TMEM220: variants seen among roughly 807,000 people sequenced by gnomAD.
TMEM220 encodes the protein transmembrane protein 220.
In TMEM220, 21 loss-of-function variants were observed where a neutral mutation model predicts 21.7. The observed-to-expected ratio is 0.97, with a 90% CI of 0.69 to 1.39. The LOEUF (loss-of-function observed/expected upper bound fraction) is 1.39, where lower values mean the gene tolerates loss of function less well. Among genes scored for constraint, TMEM220 ranks in the 40% most tolerant of loss-of-function variants. The probability of loss-of-function intolerance (pLI) is 0.00; values close to 1 mark genes in which losing one functional copy is unlikely to be tolerated. For missense variants in TMEM220, 191 were observed against 201.9 expected (o/e 0.95, Z 0.33); for synonymous variants, 80 against 73.6 (o/e 1.09, Z -0.45).
intron 5 of TMEM220, among the ~76,000 whole-genome samples, chr17:10,722,341 T>C (rs2075002952): frequency 2.0e-5 from 3 of 152,182 alleles, no homozygotes; most frequent in Non-Finnish European, 4.4e-5. Context: ...ATTCTTTGAC[T>C]CTTAACTGAA....
chr17:10,718,110 CGG>C (rs1227327380), intron 5 of TMEM220, among the ~76,000 whole-genome samples: 2 of 152,182 alleles, frequency 1.3e-5, no homozygotes, highest in African/African-American at 2.4e-5. Flanking sequence ...GTGTGAGCCA[CGG>C]CGCCCGGCCC....
At chr17:10,722,403 A>G (rs1212920951) in intron 5 of TMEM220, among the ~76,000 whole-genome samples, 10 of 152,170 alleles carry the variant, frequency 6.6e-5, no homozygotes, top group Admixed American at 2.0e-4. Context: ...GTTTAAATCT[A>G]TATCTTAACA....
Position 10,715,408 on chromosome 17 carries a change from A to G in TMEM220, c.*45T>C, listed in dbSNP as rs2074900895. 1 of 1,546,456 alleles carries G rather than the reference A, an allele frequency of 6.5e-7. No homozygotes were observed. Among genetic ancestry groups the G allele is most frequent in the Non-Finnish European group, 8.7e-7 (1 of 1,147,168 alleles). Reference sequence around the variant, plus strand: ...CTTGTTCCCCTAATGTTTATAAAAAATTGATTGAAAATATTCATTTTAAAA... The same window carrying G: ...CTTGTTCCCCTAATGTTTATAAAAAGTTGATTGAAAATATTCATTTTAAAA... On this transcript the variant is annotated 3_prime_UTR_variant, in exon 6 of 6. Transcript: ENST00000341871.
At chr17:10,729,272 A>G (rs922189430) in intron 1 of TMEM220, among the ~76,000 whole-genome samples, 1 of 152,162 alleles carries the variant, frequency 6.6e-6, no homozygotes. Context: ...GCAGCCACAC[A>G]TTTTTGAAAA....
intron 2 of TMEM220, among the ~76,000 whole-genome samples, chr17:10,728,784 G>T (rs926783287): frequency 2.0e-5 from 3 of 152,132 alleles, no homozygotes; most frequent in Non-Finnish European, 4.4e-5. Flanking sequence ...CCTCAGTTGG[G>T]CCATCTAACC....
At chr17:10,728,650 G>T (rs78946344) in intron 2 of TMEM220, among the ~76,000 whole-genome samples, 2,626 of 152,224 alleles carry the variant, frequency 0.017, 94 homozygotes, top group East Asian at 0.15. Flanking sequence ...CACTGAATTA[G>T]CAGAACCTCA....
chr17:10,716,296 T>A, intron 5 of TMEM220: 1 of 666,926 alleles, frequency 1.5e-6, no homozygotes. Context: ...TAACGCATCA[T>A]CCTCTTTGGT....
rs150062032 is a variant in TMEM220 at position 10,726,637 on chromosome 17, G to A, written c.103-373C>T. The stretch of plus-strand genomic sequence containing the variant: ...AAGAAAATGTTCTTTGAAAAGTAGG[G>A]CAGGAGCAGCCACGATGCTAGATGG... On this transcript the variant is annotated intron_variant, in intron 2 of 5. Transcript: ENST00000341871. 9.6e-4 allele frequency among the ~76,000 whole-genome samples: 146 copies of A among 152,310 alleles called. 1 individual carries two copies. The East Asian group carries it at 0.022, about 23-fold the overall frequency.
rs1369697562 is a variant in TMEM220 at position 10,714,024 on chromosome 17, C to G, written c.*1429G>C. On this transcript the variant is annotated 3_prime_UTR_variant, in exon 6 of 6. Transcript: ENST00000341871. ...TATGTAAAATGTTGCCATCTAGATACTTAAATACAGGACTGTCCAACAGAA... is the reference window on the plus strand; with the variant it reads ...TATGTAAAATGTTGCCATCTAGATAGTTAAATACAGGACTGTCCAACAGAA... 3 of 152,092 alleles carry G rather than the reference C, an allele frequency of 2.0e-5. No homozygotes were observed. The highest frequency in any genetic ancestry group is 4.4e-5 in the Non-Finnish European group (3 of 68,026). The allele number at this position is 152,092 out of a possible 1,614,324, so 9.4% of individuals were successfully genotyped here.
chr17:10,715,400 T>C lies in TMEM220; in HGVS notation c.*53A>G. On this transcript the variant is annotated 3_prime_UTR_variant, in exon 6 of 6. Coordinates refer to ENST00000341871, the MANE Select transcript of TMEM220 (RefSeq NM_001004313.3). ...ACTCCTGGCTTGTTCCCCTAATGTTTATAAAAAATTGATTGAAAATATTCA... is the reference window on the plus strand; with the variant it reads ...ACTCCTGGCTTGTTCCCCTAATGTTCATAAAAAATTGATTGAAAATATTCA... The C allele has an allele frequency of 6.5e-7, 1 of 1,527,314 alleles. No homozygotes were observed. The highest frequency in any genetic ancestry group is 8.8e-7 in the Non-Finnish European group (1 of 1,131,410). 94.6% of individuals were successfully genotyped at this position (1,527,314 alleles called of 1,614,324 possible).
intron 5 of TMEM220, among the ~76,000 whole-genome samples, chr17:10,718,097 CA>C (rs1323152912): frequency 6.6e-6 from 1 of 152,174 alleles, no homozygotes; most frequent in African/African-American, 2.4e-5. Context: ...GCTGGGATTA[CA>C]GGTGTGAGCC....
At chr17:10,729,010 C>T in intron 2 of TMEM220, 21 bp downstream of exon 2, 1 of 1,614,044 alleles carries the variant, frequency 6.2e-7, no homozygotes, top group Non-Finnish European at 8.5e-7. Context: ...GGAGGAAAGC[C>T]TGGAAGCGGC....
At chr17:10,713,036 C>T (rs1037196211), downstream of TMEM220, among the ~76,000 whole-genome samples, 1 of 151,980 alleles carries the variant, frequency 6.6e-6, no homozygotes, top group African/African-American at 2.4e-5. Context: ...TTTGGGAGGC[C>T]GAGGTGGGTG....
At chr17:10,715,864 T>C in intron 5 of TMEM220, 2 of 349,324 alleles carry the variant, frequency 5.7e-6, no homozygotes, top group South Asian at 9.9e-5. Context: ...CTTTTCCTAA[T>C]GATTTTTGTG....
At chr17:10,715,960 T>C (rs879070584) in intron 5 of TMEM220, 1 of 377,546 alleles carries the variant, frequency 2.6e-6, no homozygotes, top group Non-Finnish European at 4.9e-6. Flanking sequence ...CACATATTTA[T>C]TAAAGATAAT....
chr17:10,714,063 C>G lies in TMEM220; in HGVS notation c.*1390G>C, dbSNP rs1334785094. On this transcript the variant is annotated 3_prime_UTR_variant, in exon 6 of 6. Coordinates refer to ENST00000341871, the MANE Select transcript of TMEM220 (RefSeq NM_001004313.3). ...TGTCCAACAGAAATGCAATGTAAGC[C>G]ACGTAAATAAAAGTAAACAGAAACA... 3.9e-5 allele frequency: 6 copies of G among 152,060 alleles called. No individual in the cohort carries two copies. Among genetic ancestry groups the G allele is most frequent in the African/African-American group, 1.4e-4 (6 of 41,400 alleles). 9.4% of individuals were successfully genotyped at this position (152,060 alleles called of 1,614,324 possible).
chr17:10,724,579 CAAAAA>C (rs11302864), intron 4 of TMEM220: 5 of 128,528 alleles, frequency 3.9e-5, no homozygotes, highest in East Asian at 2.4e-4. Flanking sequence ...GACTCCGTTT[CAAAAA>C]AAAAAAAAAA....
chr17:10,718,577 T>TC (rs1234827642), intron 5 of TMEM220, among the ~76,000 whole-genome samples: 2 of 152,202 alleles, frequency 1.3e-5, no homozygotes, highest in Non-Finnish European at 2.9e-5. Context: ...CTTATGTCTA[T>TC]ATGTTTCCCT....
chr17:10,711,354 G>A (rs1005709308), downstream of TMEM220: 1 of 558,524 alleles, frequency 1.8e-6, no homozygotes, highest in Non-Finnish European at 3.2e-6. Flanking sequence ...GGAGGAAACT[G>A]AGGCAGGGGT....
Sources: allele counts gnomAD v4.1 joint callset (sites outside exome capture counted in the v4.1 genomes callset), GRCh38; gene constraint gnomAD v4.1.1; transcripts MANE v1.5; gene names NCBI Gene and HGNC (gene_info 2026-07-23, HGNC 2026-07-21).